The following SEMA6D variants were observed in gnomAD, a reference collection of about 807,000 sequenced individuals.
SEMA6D encodes the protein semaphorin 6D.
A neutral mutation model predicts 106.6 loss-of-function variants in SEMA6D; 35 were observed. The observed-to-expected ratio is 0.33, with a 90% CI of 0.25 to 0.44. SEMA6D has a LOEUF of 0.44. Ranked by LOEUF, SEMA6D falls within the 20% of genes least tolerant of loss-of-function variation. The pLI is 1.00. For missense variants in SEMA6D, 1,185 were observed against 1,345.9 expected, an observed-to-expected ratio of 0.88 and a Z score of 1.87; for synonymous variants, 499 against 487.7, an observed-to-expected ratio of 1.02 and a Z score of -0.31.
chr15:47,372,263 G>A (rs1420121595), intron 1 of SEMA6D, among the ~76,000 whole-genome samples: 1 of 152,148 alleles, frequency 6.6e-6, no homozygotes, highest in Non-Finnish European at 1.5e-5. Flanking sequence ...TGGAACCCCA[G>A]GTCATTTGGT....
At chr15:47,508,285 CA>C (rs916648290) in intron 3 of SEMA6D, among the ~76,000 whole-genome samples, 2 of 152,062 alleles carry the variant, frequency 1.3e-5, no homozygotes, top group African/African-American at 4.8e-5. Context: ...TATTTTTCCC[CA>C]AAAAACGATA....
intron 4 of SEMA6D, among the ~76,000 whole-genome samples, chr15:47,651,130 C>G (rs1273586798): frequency 6.6e-6 from 1 of 152,090 alleles, no homozygotes; most frequent in African/African-American, 2.4e-5. Flanking sequence ...TAAATTTGTC[C>G]TGGGCATGAT....
intron 1 of SEMA6D, among the ~76,000 whole-genome samples, chr15:47,727,081 T>C (rs145879561): frequency 1.2e-4 from 19 of 152,300 alleles, no homozygotes; most frequent in Admixed American, 3.3e-4. Flanking sequence ...TGGCTTCCAC[T>C]GTCGGTACTG....
chr15:47,657,621 T>TA (rs1000332714), intron 4 of SEMA6D, among the ~76,000 whole-genome samples: 3 of 151,110 alleles, frequency 2.0e-5, no homozygotes, highest in Admixed American at 2.0e-4. Context: ...TCTCAACATG[T>TA]ATACCTTTTT....
intron 3 of SEMA6D, among the ~76,000 whole-genome samples, chr15:47,486,461 G>T (rs1433593295): frequency 2.0e-5 from 3 of 152,162 alleles, no homozygotes; most frequent in Non-Finnish European, 2.9e-5. Context: ...CCAACAGAAT[G>T]CTTTGAGCTC....
intron 1 of SEMA6D, among the ~76,000 whole-genome samples, chr15:47,256,402 T>C (rs1321007407): frequency 6.6e-6 from 1 of 152,236 alleles, no homozygotes; most frequent in African/African-American, 2.4e-5. Flanking sequence ...ATTTTCTGCA[T>C]ACAGGTCGCA....
chr15:47,726,542 C>G (rs1368834687), intron 1 of SEMA6D, among the ~76,000 whole-genome samples: 1 of 152,186 alleles, frequency 6.6e-6, no homozygotes, highest in African/African-American at 2.4e-5. Context: ...AACATGAACT[C>G]TTGGAGTCAA....
At chr15:47,765,810 A>G in intron 13 of SEMA6D, 59 bp from the exon 14 acceptor site, 1 of 1,421,372 alleles carries the variant, frequency 7.0e-7, no homozygotes, top group Non-Finnish European at 9.2e-7. Flanking sequence ...AGTAATTGCT[A>G]AAGCAAACCA....
intron 3 of SEMA6D, among the ~76,000 whole-genome samples, chr15:47,560,628 G>A (rs2046051192): frequency 6.6e-6 from 1 of 152,060 alleles, no homozygotes; most frequent in Admixed American, 6.6e-5. Context: ...GGAAAAAAAA[G>A]TAAAGGGGGA....
intron 1 of SEMA6D, among the ~76,000 whole-genome samples, chr15:47,397,168 T>C (rs2040238133): frequency 6.6e-6 from 1 of 152,066 alleles, no homozygotes; most frequent in Non-Finnish European, 1.5e-5. Flanking sequence ...TTGGATACAG[T>C]TTAGAAAGCC....
intron 1 of SEMA6D, among the ~76,000 whole-genome samples, chr15:47,332,074 A>T (rs2144127913): frequency 6.6e-6 from 1 of 152,300 alleles, no homozygotes; most frequent in Non-Finnish European, 1.5e-5. Flanking sequence ...TGGAATGAGA[A>T]GTGCTGAGTC....
At chr15:47,225,519 G>GTTT (rs71118160) in intron 1 of SEMA6D, among the ~76,000 whole-genome samples, 2 of 92,384 alleles carry the variant, frequency 2.2e-5, no homozygotes, top group Admixed American at 1.2e-4. Context: ...CTTGTTGAGG[G>GTTT]TTTTTTTTTT....
intron 3 of SEMA6D, among the ~76,000 whole-genome samples, chr15:47,548,299 G>T (rs533864748): frequency 6.6e-6 from 1 of 152,288 alleles, no homozygotes; most frequent in East Asian, 1.9e-4. Context: ...TGGAGAGGCA[G>T]CTGTGGCTCA....
intron 4 of SEMA6D, among the ~76,000 whole-genome samples, chr15:47,612,807 A>G (rs1257935460): frequency 6.6e-6 from 1 of 152,074 alleles, no homozygotes; most frequent in Non-Finnish European, 1.5e-5. Context: ...AGATTGACAA[A>G]TAGGTGAGTT....
intron 2 of SEMA6D, among the ~76,000 whole-genome samples, chr15:47,467,500 G>A (rs899251464): frequency 1.3e-5 from 2 of 152,150 alleles, no homozygotes; most frequent in Admixed American, 6.5e-5. Context: ...GGCTGAATAT[G>A]CAAGAATGTT....
intron 1 of SEMA6D, among the ~76,000 whole-genome samples, chr15:47,758,552 T>A (rs2081894631): frequency 6.6e-6 from 1 of 152,164 alleles, no homozygotes; most frequent in Admixed American, 6.5e-5. Flanking sequence ...CTAATAACAT[T>A]TAAAGATCTT....
chr15:47,474,174 T>A (rs576009503), intron 3 of SEMA6D, among the ~76,000 whole-genome samples: 1 of 152,266 alleles, frequency 6.6e-6, no homozygotes, highest in East Asian at 1.9e-4. Context: ...GTCGCCTTGC[T>A]TTTGGACTCA....
At chr15:47,667,571 A>C (rs1232992717) in intron 4 of SEMA6D, among the ~76,000 whole-genome samples, 3 of 152,186 alleles carry the variant, frequency 2.0e-5, no homozygotes. Flanking sequence ...GTAGCTTATA[A>C]ACAATAGAAA....
chr15:47,227,569 T>TCACACACACACA (rs1555407289), intron 1 of SEMA6D, among the ~76,000 whole-genome samples: 1 of 127,900 alleles, frequency 7.8e-6, no homozygotes, highest in African/African-American at 3.2e-5. Flanking sequence ...TCTCTCTCTC[T>TCACACACACACA]CACACACACA....
Sources: allele counts gnomAD v4.1 joint callset (sites outside exome capture counted in the v4.1 genomes callset), GRCh38; gene constraint gnomAD v4.1.1; transcripts MANE v1.5; gene names NCBI Gene and HGNC (gene_info 2026-07-23, HGNC 2026-07-21).